Variants in NHSL1 observed in about 807,000 individuals in gnomAD.
NHSL1 encodes NHS-like protein 1.
NHSL1 carries 48 observed loss-of-function variants against 95.0 expected under a neutral mutation model. The observed-to-expected ratio is 0.51, with a 90% CI of 0.40 to 0.64. NHSL1 has a LOEUF of 0.64. NHSL1 is among the 30% of genes least tolerant of loss of function. The pLI is 0.00. For synonymous variants in NHSL1, 783 were observed against 833.9 expected (o/e 0.94, Z 1.05); for missense variants, 1,971 against 2,077.7 (o/e 0.95, Z 1.00).
intron 1 of NHSL1, among the ~76,000 whole-genome samples, chr6:138,587,790 G>A (rs1209899418): frequency 1.3e-5 from 2 of 152,198 alleles, no homozygotes; most frequent in Non-Finnish European, 2.9e-5. Flanking sequence ...AAGGTCAGTG[G>A]GTCTCTGAGT....
intron 3 of NHSL1, among the ~76,000 whole-genome samples, chr6:138,469,404 A>T (rs1167599329): frequency 6.6e-6 from 1 of 152,194 alleles, no homozygotes; most frequent in Non-Finnish European, 1.5e-5. Context: ...TGACAGCAGC[A>T]CTAAGACTTG....
intron 3 of NHSL1, chr6:138,464,033 A>G (rs879290689): frequency 5.4e-6 from 2 of 370,928 alleles, no homozygotes; most frequent in African/African-American, 4.2e-5. Context: ...TATTGGCAAG[A>G]CTGAATAAAT....
At chr6:138,521,358 T>C (rs1382933632) in intron 1 of NHSL1, among the ~76,000 whole-genome samples, 1 of 151,968 alleles carries the variant, frequency 6.6e-6, no homozygotes, top group Non-Finnish European at 1.5e-5. Context: ...CTCAGCTACT[T>C]AAGAGGTTGA....
chr6:138,458,882 T>C (rs1323409482), intron 3 of NHSL1, among the ~76,000 whole-genome samples: 1 of 151,894 alleles, frequency 6.6e-6, no homozygotes, highest in Non-Finnish European at 1.5e-5. Flanking sequence ...ACGTTTTTAT[T>C]GGTATTGTGT....
At chr6:138,617,151 G>A (rs1378382630) in intron 1 of NHSL1, among the ~76,000 whole-genome samples, 1 of 152,184 alleles carries the variant, frequency 6.6e-6, no homozygotes, top group African/African-American at 2.4e-5. Flanking sequence ...AGTAACTAGG[G>A]GGTGAGGAGG....
intron 1 of NHSL1, among the ~76,000 whole-genome samples, chr6:138,538,235 G>A (rs114543545): frequency 2.2e-3 from 333 of 152,266 alleles, no homozygotes; most frequent in African/African-American, 7.6e-3. Flanking sequence ...TAAAGCAAAA[G>A]TGCAAATCTG....
chr6:138,563,742 G>C (rs1272957686), intron 1 of NHSL1, among the ~76,000 whole-genome samples: 1 of 152,190 alleles, frequency 6.6e-6, no homozygotes, highest in East Asian at 1.9e-4. Context: ...GGTAAGGGAA[G>C]CAGCATGTAT....
At chr6:138,607,751 A>G (rs1035215855) in intron 1 of NHSL1, among the ~76,000 whole-genome samples, 1 of 152,186 alleles carries the variant, frequency 6.6e-6, no homozygotes, top group Non-Finnish European at 1.5e-5. Flanking sequence ...TTTGAAGTTA[A>G]ATGCTTCTGT....
chr6:138,505,587 G>A (rs1056426920), intron 1 of NHSL1, among the ~76,000 whole-genome samples: 8 of 151,110 alleles, frequency 5.3e-5, no homozygotes, highest in Non-Finnish European at 4.4e-5. Context: ...TCTGGGAGGC[G>A]GAGGTTGCAG....
chr6:138,669,228 G>A (rs1785333238), intron 1 of NHSL1, among the ~76,000 whole-genome samples: 2 of 152,124 alleles, frequency 1.3e-5, no homozygotes, highest in Non-Finnish European at 2.9e-5. Flanking sequence ...GTCAAATCTA[G>A]ACCCCTCTCA....
At chr6:138,453,784 G>A (rs966725425) in intron 3 of NHSL1, among the ~76,000 whole-genome samples, 7 of 152,274 alleles carry the variant, frequency 4.6e-5, no homozygotes, top group Non-Finnish European at 1.0e-4. Flanking sequence ...CTAGGCTCAA[G>A]CCATCCTCCT....
chr6:138,423,715 G>A lies in NHSL1; in HGVS notation c.*366C>T. 5.8e-6 allele frequency: 1 copy of A among 172,822 alleles called. No individual in the cohort carries two copies. The highest frequency in any genetic ancestry group is 1.2e-5 in the Non-Finnish European group (1 of 83,302). The allele number at this position is 172,822 out of a possible 1,614,324, so 10.7% of individuals were successfully genotyped here. On this transcript the variant is annotated 3_prime_UTR_variant, in exon 8 of 8. Transcript: ENST00000343505. ...CGTTACTCTACCAAGCTTAAGTCTGGCTTGCTTTCTTCTATTTCTGTACAT... is the reference window on the plus strand; with the variant it reads ...CGTTACTCTACCAAGCTTAAGTCTGACTTGCTTTCTTCTATTTCTGTACAT...
At chr6:138,503,681 G>A (rs1166897273), upstream of NHSL1, among the ~76,000 whole-genome samples, 1 of 152,060 alleles carries the variant, frequency 6.6e-6, no homozygotes, top group Non-Finnish European at 1.5e-5. Context: ...AAGACGGCTG[G>A]CTCATGGCTT....
intron 1 of NHSL1, among the ~76,000 whole-genome samples, chr6:138,581,431 C>G (rs1350519033): frequency 6.6e-6 from 1 of 152,074 alleles, no homozygotes; most frequent in Admixed American, 6.5e-5. Context: ...GTGGCTCACA[C>G]CTGTAATCCC....
chr6:138,518,420 A>T (rs1376123949), intron 1 of NHSL1, among the ~76,000 whole-genome samples: 1 of 151,488 alleles, frequency 6.6e-6, no homozygotes, highest in East Asian at 1.9e-4. Context: ...GAGATGCACA[A>T]ATTCACATTA....
At chr6:138,665,215 A>G (rs1785279661) in intron 1 of NHSL1, among the ~76,000 whole-genome samples, 1 of 152,024 alleles carries the variant, frequency 6.6e-6, no homozygotes, top group Non-Finnish European at 1.5e-5. Context: ...GTCATAATAC[A>G]GATCAACTTA....
At chr6:138,575,960 C>CATTT (rs10626397), upstream of NHSL1, among the ~76,000 whole-genome samples, 37,555 of 144,534 alleles carry the variant, frequency 0.26, 5,418 homozygotes, top group African/African-American at 0.36. Context: ...AAAATCCCTA[C>CATTT]ATTTATTTAT....
chr6:138,430,214 A>T lies in NHSL1; in HGVS notation c.3952+179T>A. Among the ~76,000 whole-genome samples, 1 of 152,324 alleles carries T rather than the reference A, an allele frequency of 6.6e-6. No homozygotes were observed. Among genetic ancestry groups the T allele is most frequent in the South Asian group, 2.1e-4 (1 of 4,828 alleles). On this transcript the variant is annotated intron_variant, in intron 6 of 7. Transcript: ENST00000343505. The surrounding 1 kb of genome is among the most constrained non-coding windows in gnomAD (Gnocchi z 4.7). Reference sequence around the variant, plus strand: ...AGGTCTAGATTTTAAAAATAATAACAAAATGCAAAGTTGGTAACTTAATCT... The same window carrying T: ...AGGTCTAGATTTTAAAAATAATAACTAAATGCAAAGTTGGTAACTTAATCT...
At position 138,466,243 on chromosome 6, in the gene NHSL1, A is replaced by T. The variant is rs1778374404; in HGVS notation, c.339+7063T>A. 2.7e-5 allele frequency among the ~76,000 whole-genome samples: 4 copies of T among 150,694 alleles called. No homozygotes were observed. In the South Asian group the frequency reaches 8.4e-4, roughly 32 times the overall value. On this transcript the variant is annotated intron_variant, in intron 3 of 7. Coordinates refer to ENST00000343505, the MANE Select transcript of NHSL1 (RefSeq NM_001144060.2). Reference sequence around the variant, plus strand: ...TTTTTAGTACAGACAGGGTTTCACCATGTTAGCCAGGATGATCTCAATCTC... The same window carrying T: ...TTTTTAGTACAGACAGGGTTTCACCTTGTTAGCCAGGATGATCTCAATCTC...
Sources: allele counts gnomAD v4.1 joint callset (sites outside exome capture counted in the v4.1 genomes callset), GRCh38; gene constraint gnomAD v4.1.1; non-coding constraint Gnocchi (gnomAD v3.1); transcripts MANE v1.5; gene names NCBI Gene and HGNC (gene_info 2026-07-23, HGNC 2026-07-21).